UNC5C: variants seen among roughly 807,000 people sequenced by gnomAD.
UNC5C encodes unc-5 netrin receptor C.
Under a neutral mutation model 99.8 loss-of-function variants are expected in UNC5C, and 47 were observed. The observed-to-expected ratio is 0.47, with a 90% CI of 0.37 to 0.60. The LOEUF (loss-of-function observed/expected upper bound fraction) is 0.60. Among genes scored for constraint, UNC5C ranks in the 20% least tolerant of loss-of-function variants. The pLI is 0.00. For synonymous variants in UNC5C, 487 were observed against 452.2 expected, an observed-to-expected ratio of 1.08 and a Z score of -0.98; for missense variants, 1,062 against 1,165.9, an observed-to-expected ratio of 0.91 and a Z score of 1.30.
chr4:95,323,842 C>A (rs1448810364), intron 2 of UNC5C, among the ~76,000 whole-genome samples: 1 of 152,120 alleles, frequency 6.6e-6, no homozygotes, highest in African/African-American at 2.4e-5. Flanking sequence ...TCAAGACCAG[C>A]CTGGCCAACA....
rs1203227984 is a variant in UNC5C, at chr4:95,197,543, A to G, written c.2136+5188T>C. On this transcript the variant is annotated intron_variant, in intron 12 of 15. Coordinates refer to ENST00000453304, the MANE Select transcript of UNC5C (RefSeq NM_003728.4). Reference sequence around the variant, plus strand: ...GAAGAGGCTGAAGTAAAAGGTTTGGAGGGTAGAGGACCGCAGCTGGGGGAG... The same window carrying G: ...GAAGAGGCTGAAGTAAAAGGTTTGGGGGGTAGAGGACCGCAGCTGGGGGAG... 2.6e-5 allele frequency among the ~76,000 whole-genome samples: 4 copies of G among 152,224 alleles called. No individual in the cohort carries two copies. The South Asian group carries it at 8.3e-4, about 32-fold the overall frequency.
intron 1 of UNC5C, among the ~76,000 whole-genome samples, chr4:95,413,958 T>A (rs895455930): frequency 6.6e-6 from 1 of 152,228 alleles, no homozygotes; most frequent in African/African-American, 2.4e-5. Context: ...AGCTGTTCCA[T>A]AATTTGCACT....
At chr4:95,183,904 T>C (rs112526953) in intron 13 of UNC5C, among the ~76,000 whole-genome samples, 7,325 of 152,314 alleles carry the variant, frequency 0.048, 321 homozygotes, top group African/African-American at 0.11. Flanking sequence ...CTGCTGGGGT[T>C]AAATGAGCTA....
chr4:95,391,302 T>C (rs1745353037), intron 1 of UNC5C, among the ~76,000 whole-genome samples: 1 of 152,220 alleles, frequency 6.6e-6, no homozygotes, highest in Non-Finnish European at 1.5e-5. Context: ...AGTCTCACTA[T>C]GTTGCCCAGG....
chr4:95,173,806 A>G (rs1454203546), intron 14 of UNC5C, among the ~76,000 whole-genome samples: 1 of 152,178 alleles, frequency 6.6e-6, no homozygotes, highest in East Asian at 1.9e-4. Flanking sequence ...GAATAGTTTC[A>G]GAAGGAATGG....
intron 6 of UNC5C, among the ~76,000 whole-genome samples, chr4:95,244,302 C>T (rs1289303195): frequency 1.3e-5 from 2 of 152,102 alleles, no homozygotes; most frequent in Non-Finnish European, 2.9e-5. Context: ...CAAATATTAT[C>T]TTCGATTTAC....
chr4:95,352,881 T>A (rs1744039248), intron 1 of UNC5C, among the ~76,000 whole-genome samples: 1 of 152,170 alleles, frequency 6.6e-6, no homozygotes, highest in Non-Finnish European at 1.5e-5. Context: ...CAACTCCATT[T>A]ATGCCACATC....
At chr4:95,419,307 A>T (rs1388845518) in intron 1 of UNC5C, among the ~76,000 whole-genome samples, 2 of 152,196 alleles carry the variant, frequency 1.3e-5, no homozygotes, top group African/African-American at 2.4e-5. Flanking sequence ...TTAATGTTTA[A>T]AATAGATAAA....
intron 1 of UNC5C, among the ~76,000 whole-genome samples, 189 bp downstream of exon 1, chr4:95,548,542 CATA>C (rs953865734): frequency 1.4e-4 from 21 of 151,558 alleles, no homozygotes; most frequent in South Asian, 4.2e-4. Flanking sequence ...ATAGATTAAA[CATA>C]ATAATAATAA....
At chr4:95,366,603 G>T (rs1296649121) in intron 1 of UNC5C, among the ~76,000 whole-genome samples, 1 of 152,128 alleles carries the variant, frequency 6.6e-6, no homozygotes, top group Non-Finnish European at 1.5e-5. Flanking sequence ...AATGTAACAA[G>T]AAGCAATTAT....
intron 11 of UNC5C, 112 bp from the exon 12 acceptor site, chr4:95,203,076 TTCTC>T: frequency 1.1e-6 from 1 of 888,192 alleles, no homozygotes; most frequent in South Asian, 1.6e-5. Context: ...TTGGTCTTTT[TTCTC>T]TCTCAGAGTT....
At chr4:95,419,290 G>T (rs1192159091) in intron 1 of UNC5C, among the ~76,000 whole-genome samples, 3 of 152,146 alleles carry the variant, frequency 2.0e-5, no homozygotes, top group African/African-American at 7.2e-5. Flanking sequence ...ATGGAAAAAA[G>T]TAATTCTTAA....
At chr4:95,493,565 G>A (rs1452261460) in intron 1 of UNC5C, among the ~76,000 whole-genome samples, 1 of 150,842 alleles carries the variant, frequency 6.6e-6, no homozygotes, top group Non-Finnish European at 1.5e-5. Context: ...TTTAATCTGG[G>A]AAAAAATGGT....
chr4:95,164,348 A>G lies in UNC5C; in HGVS notation c.*4886T>C, dbSNP rs1735784260. The G allele has an allele frequency of 6.6e-6, 1 of 152,234 alleles. No individual in the cohort carries two copies. Among genetic ancestry groups the G allele is most frequent in the African/African-American group, 2.4e-5 (1 of 41,464 alleles). The allele number at this position is 152,234 out of a possible 1,614,324, so 9.4% of individuals were successfully genotyped here. ...TTATGCCTTATTCCATTAAAAAGAA[A>G]TAATTAGAGATGCAAAGGAAATCTT... On this transcript the variant is annotated 3_prime_UTR_variant, in exon 16 of 16. Transcript: ENST00000453304.
At chr4:95,363,791 T>C (rs1236963766) in intron 1 of UNC5C, among the ~76,000 whole-genome samples, 1 of 152,192 alleles carries the variant, frequency 6.6e-6, no homozygotes, top group Non-Finnish European at 1.5e-5. Flanking sequence ...AGAGCCACCC[T>C]GAGGCCTCAC....
intron 1 of UNC5C, among the ~76,000 whole-genome samples, chr4:95,516,620 G>C (rs1460309950): frequency 6.6e-6 from 1 of 152,138 alleles, no homozygotes; most frequent in Non-Finnish European, 1.5e-5. Flanking sequence ...GGAGCCTTTA[G>C]AGTGGAGGGA....
At chr4:95,314,733 A>C (rs1365531006) in intron 2 of UNC5C, among the ~76,000 whole-genome samples, 1 of 152,212 alleles carries the variant, frequency 6.6e-6, no homozygotes, top group Non-Finnish European at 1.5e-5. Context: ...GGCTCTTCAC[A>C]AATCAGATGT....
intron 12 of UNC5C, among the ~76,000 whole-genome samples, chr4:95,187,544 T>C (rs951658892): frequency 2.6e-5 from 4 of 152,200 alleles, no homozygotes; most frequent in Admixed American, 2.0e-4. Flanking sequence ...AACTGCCTAT[T>C]GGCCATGACC....
intron 12 of UNC5C, among the ~76,000 whole-genome samples, chr4:95,202,137 C>A (rs1438110221): frequency 6.6e-6 from 1 of 152,194 alleles, no homozygotes; most frequent in Non-Finnish European, 1.5e-5. Flanking sequence ...CTCTGACTTA[C>A]CTCCTCAACC....
Sources: allele counts gnomAD v4.1 joint callset (sites outside exome capture counted in the v4.1 genomes callset), GRCh38; gene constraint gnomAD v4.1.1; transcripts MANE v1.5; gene names NCBI Gene and HGNC (gene_info 2026-07-23, HGNC 2026-07-21).